The following LIMS4 variants were observed in gnomAD, a reference collection of about 807,000 sequenced individuals.
The protein encoded by LIMS4 is LIM and senescent cell antigen-like-containing domain protein 4.
At chr2:110,433,116 C>T in the LIMS4 span, among the ~76,000 whole-genome samples, 1 of 129,058 alleles carries the variant, frequency 7.7e-6, no homozygotes, top group African/African-American at 3.0e-5. Flanking sequence ...AAGTTTGTGC[C>T]CGGTCAAAAC....
At chr2:110,389,883 G>A in the LIMS4 span, among the ~76,000 whole-genome samples, 1 of 146,642 alleles carries the variant, frequency 6.8e-6, no homozygotes, top group Non-Finnish European at 1.5e-5. Context: ...AGCATGGGAA[G>A]GGGAGAGATG....
the LIMS4 span, chr2:110,386,424 C>T: frequency 3.2e-6 from 1 of 315,242 alleles, no homozygotes; most frequent in East Asian, 4.5e-5. Flanking sequence ...GCAGCTGAAA[C>T]AGGCACTTGT....
chr2:110,375,256 TC>T, the LIMS4 span: 3 of 124,400 alleles, frequency 2.4e-5, no homozygotes, highest in African/African-American at 9.4e-5. Context: ...CCACTCCAGA[TC>T]CCCACCCCAG....
chr2:110,453,774 T>G, intron 5 of LIMS4, among the ~76,000 whole-genome samples: 1 of 145,442 alleles, frequency 6.9e-6, no homozygotes, highest in African/African-American at 2.6e-5. Flanking sequence ...CGATCTCCTG[T>G]CCTCGTGATT....
At chr2:110,367,297 C>T in the LIMS4 span, among the ~76,000 whole-genome samples, 26 of 145,328 alleles carry the variant, frequency 1.8e-4, no homozygotes, top group South Asian at 1.5e-3. Flanking sequence ...AAGAACAAAG[C>T]GGGAGGCATC....
At chr2:110,397,544 G>GT in the LIMS4 span, 1 of 85,470 alleles carries the variant, frequency 1.2e-5, no homozygotes, top group East Asian at 3.4e-4. Flanking sequence ...AAATAATCAT[G>GT]TTTCATGGTT....
chr2:110,359,739 C>A, the LIMS4 span, among the ~76,000 whole-genome samples: 1 of 88,238 alleles, frequency 1.1e-5, no homozygotes, highest in Non-Finnish European at 2.2e-5. Flanking sequence ...ATGACAAAAA[C>A]CTGACTATAT....
the LIMS4 span, among the ~76,000 whole-genome samples, chr2:110,425,679 G>A: frequency 5.6e-5 from 8 of 142,322 alleles, 1 homozygote; most frequent in Admixed American, 4.8e-4. Context: ...CAGCGTGCCT[G>A]GATGGGACGC....
the LIMS4 span, among the ~76,000 whole-genome samples, chr2:110,390,741 T>C: frequency 6.7e-6 from 1 of 149,980 alleles, no homozygotes; most frequent in Non-Finnish European, 1.5e-5. Context: ...CATTCAGTCT[T>C]GATACCCAAA....
chr2:110,367,077 C>A, the LIMS4 span, among the ~76,000 whole-genome samples: 2 of 150,852 alleles, frequency 1.3e-5, no homozygotes, highest in Non-Finnish European at 2.9e-5. Context: ...TCAGAGCTGA[C>A]CCAAACAAAT....
At chr2:110,373,706 T>C in the LIMS4 span, among the ~76,000 whole-genome samples, 2 of 150,644 alleles carry the variant, frequency 1.3e-5, no homozygotes, top group South Asian at 4.1e-4. Context: ...TCTGACTCCC[T>C]GAGCCCACCC....
chr2:110,392,840 TAA>T, the LIMS4 span, among the ~76,000 whole-genome samples: 1 of 135,656 alleles, frequency 7.4e-6, no homozygotes, highest in East Asian at 2.2e-4. Flanking sequence ...CCCAGCCCAC[TAA>T]AAGACTCTGA....
chr2:110,368,020 T>C, the LIMS4 span, among the ~76,000 whole-genome samples: 1 of 145,304 alleles, frequency 6.9e-6, no homozygotes, highest in South Asian at 2.2e-4. Context: ...AAAAAAGAAC[T>C]ACGTAACATA....
the LIMS4 span, chr2:110,362,122 C>T: frequency 1.3e-6 from 1 of 746,074 alleles, no homozygotes; most frequent in Non-Finnish European, 2.3e-6. Flanking sequence ...CAGCATCTGG[C>T]AGATAGTACA....
the LIMS4 span, chr2:110,361,003 A>G: frequency 1.9e-6 from 3 of 1,579,590 alleles, 1 homozygote; most frequent in Non-Finnish European, 1.7e-6. Context: ...CCTTAAAAAC[A>G]TTGATTTCCA....
the LIMS4 span, among the ~76,000 whole-genome samples, chr2:110,425,308 A>C: frequency 1.4e-5 from 2 of 142,260 alleles, no homozygotes; most frequent in Non-Finnish European, 3.0e-5. Flanking sequence ...TGAGCTTAGG[A>C]GGTTGAGGCT....
the LIMS4 span, among the ~76,000 whole-genome samples, chr2:110,367,815 G>T: frequency 2.9e-5 from 4 of 139,826 alleles, no homozygotes; most frequent in East Asian, 8.3e-4. Context: ...CCTGGGAGGT[G>T]GAGATTGCAG....
the LIMS4 span, chr2:110,360,703 G>C: frequency 6.2e-7 from 1 of 1,604,360 alleles, no homozygotes; most frequent in Admixed American, 1.7e-5. Flanking sequence ...AAAAGTTTTT[G>C]CGCACACTTT....
At chr2:110,411,150 C>T in the LIMS4 span, among the ~76,000 whole-genome samples, 1 of 52,166 alleles carries the variant, frequency 1.9e-5, no homozygotes, top group Non-Finnish European at 3.5e-5. Context: ...AAGTGATCCG[C>T]CTACCTCGGC....
Sources: allele counts gnomAD v4.1 joint callset (sites outside exome capture counted in the v4.1 genomes callset), GRCh38; gene constraint gnomAD v4.1.1; transcripts MANE v1.5; gene names NCBI Gene and HGNC (gene_info 2026-07-23, HGNC 2026-07-21).